USP45: variants seen among roughly 807,000 people sequenced by gnomAD.
The protein encoded by USP45 is ubiquitin specific peptidase 45.
A neutral mutation model predicts 95.8 loss-of-function variants in USP45; 89 were observed. That is an observed-to-expected ratio of 0.93 (90% CI 0.78 to 1.11). The LOEUF (loss-of-function observed/expected upper bound fraction) is 1.11, where lower values mean the gene tolerates loss of function less well. Ranked by LOEUF, USP45 falls within the 50% of genes least tolerant of loss-of-function variation. The pLI is 0.00. For missense variants in USP45, 898 were observed against 942.5 expected (o/e 0.95, Z 0.62); for synonymous variants, 281 against 316.2 (o/e 0.89, Z 1.18).
At chr6:99,489,459 A>G (rs1326433128) in intron 5 of USP45, among the ~76,000 whole-genome samples, 1 of 152,226 alleles carries the variant, frequency 6.6e-6, no homozygotes, top group African/African-American at 2.4e-5. Context: ...TGACAGAATT[A>G]GGAAAATCAC....
In USP45 at chr6:99,445,839, T is replaced by A; in HGVS notation, c.1933A>T (p.Thr645Ser). 6.3e-7 allele frequency: 1 copy of A among 1,594,930 alleles called. No individual in the cohort carries two copies. Among genetic ancestry groups the A allele is most frequent in the Non-Finnish European group, 8.5e-7 (1 of 1,174,736 alleles). The part of the protein sequence containing the change: ...GNNKLLCENC[T>S]KNKQKYQEET... ...TCTTGGTACTTCTGTTTGTTTTTAG[T>A]ACAATTCTCACATAGAAGCTTATTA... The change falls in exon 14 of 18, where the codon ACT (threonine) becomes TCT (serine). Residue 645 changes from threonine to serine, a missense_variant. Transcript: ENST00000500704.
intron 7 of USP45, among the ~76,000 whole-genome samples, chr6:99,484,329 A>G (rs2128715271): frequency 6.6e-6 from 1 of 150,764 alleles, no homozygotes; most frequent in East Asian, 2.0e-4. Context: ...CAGCATATCC[A>G]GTTGATTTTT....
chr6:99,451,126 A>C (rs1442721476), intron 13 of USP45, among the ~76,000 whole-genome samples: 1 of 152,222 alleles, frequency 6.6e-6, no homozygotes, highest in African/African-American at 2.4e-5. Context: ...AACTGGCACA[A>C]GACAGGGATG....
At chr6:99,445,758 T>A in intron 14 of USP45, 39 bp downstream of exon 14, 1 of 1,405,886 alleles carries the variant, frequency 7.1e-7, no homozygotes, top group South Asian at 1.5e-5. Flanking sequence ...CTAGACACTA[T>A]CAGGAGATCA....
At chr6:99,452,379 A>C (rs1186168865) in intron 13 of USP45, among the ~76,000 whole-genome samples, 1 of 152,218 alleles carries the variant, frequency 6.6e-6, no homozygotes, top group Non-Finnish European at 1.5e-5. Context: ...ATGAACAGAC[A>C]CTTCTCAAAA....
intron 7 of USP45, among the ~76,000 whole-genome samples, chr6:99,486,457 C>T (rs1017447148): frequency 6.6e-6 from 1 of 151,974 alleles, no homozygotes; most frequent in Non-Finnish European, 1.5e-5. Context: ...AATAACTTCC[C>T]TTTAGTAGTT....
chr6:99,476,262 AAAG>A (rs776351199), intron 8 of USP45, 32 bp from the exon 9 acceptor site: 9 of 1,587,408 alleles, frequency 5.7e-6, no homozygotes, highest in Non-Finnish European at 7.8e-6. Context: ...GGAAAGAAAA[AAAG>A]AATAATCATT....
chr6:99,472,968 A>G (rs1789815455), intron 9 of USP45, among the ~76,000 whole-genome samples: 1 of 152,184 alleles, frequency 6.6e-6, no homozygotes, highest in Non-Finnish European at 1.5e-5. Context: ...AGAAAATGTG[A>G]TCAAATACTA....
At chr6:99,440,884 G>C (rs765869933) in intron 15 of USP45, among the ~76,000 whole-genome samples, 2 of 152,080 alleles carry the variant, frequency 1.3e-5, no homozygotes, top group Non-Finnish European at 2.9e-5. Flanking sequence ...GATCATTTCA[G>C]CTATTGTGTT....
Position 99,503,822 on chromosome 6 carries a change from T to C in USP45, c.421A>G (p.Lys141Glu). 1.2e-6 allele frequency: 2 copies of C among 1,601,314 alleles called. No homozygotes were observed. The highest frequency in any genetic ancestry group is 3.3e-4 in the Middle Eastern group (2 of 5,980). ...AAATCAACTATCTGAGCCAAAACCT[T>C]CTTATTACAATGCGTTGATAATTTT... ...DEKLSTHCNK[K>E]VLAQIVDFLQ... Residue 141 changes from lysine (K) to glutamate (E), a missense_variant, in exon 5 of 18, where the codon AAG becomes GAG. Coordinates refer to ENST00000500704, the MANE Select transcript of USP45 (RefSeq NM_001346022.3).
chr6:99,467,137 G>A (rs1413874622), intron 10 of USP45, among the ~76,000 whole-genome samples: 1 of 152,052 alleles, frequency 6.6e-6, no homozygotes, highest in Non-Finnish European at 1.5e-5. Flanking sequence ...CAGGATCACG[G>A]CTATGAAAAT....
chr6:99,511,432 C>T (rs777724211), intron 1 of USP45, among the ~76,000 whole-genome samples: 5 of 151,690 alleles, frequency 3.3e-5, no homozygotes, highest in East Asian at 1.9e-4. Flanking sequence ...GGATTACAGG[C>T]GTGAGCCACC....
chr6:99,474,743 C>T (rs949183485), intron 9 of USP45, among the ~76,000 whole-genome samples: 4 of 152,122 alleles, frequency 2.6e-5, no homozygotes, highest in Non-Finnish European at 4.4e-5. Context: ...CTGTTAGGAA[C>T]GATCAGCAAT....
intron 5 of USP45, among the ~76,000 whole-genome samples, chr6:99,489,676 G>A (rs1251389082): frequency 6.6e-6 from 1 of 152,178 alleles, no homozygotes; most frequent in East Asian, 1.9e-4. Flanking sequence ...GCTGGCCACG[G>A]TGCCTCAGGC....
chr6:99,477,825 C>T (rs948613107), intron 8 of USP45, among the ~76,000 whole-genome samples: 2 of 152,292 alleles, frequency 1.3e-5, no homozygotes, highest in African/African-American at 4.8e-5. Flanking sequence ...CCTACCTGCA[C>T]TTGGTGGACA....
At chr6:99,447,911 C>T (rs554533354) in intron 13 of USP45, among the ~76,000 whole-genome samples, 3 of 152,302 alleles carry the variant, frequency 2.0e-5, no homozygotes, top group Non-Finnish European at 2.9e-5. Flanking sequence ...CTGCAGCCTC[C>T]GCTGCTGATA....
Position 99,437,413 on chromosome 6 carries a change from A to G in USP45, c.2161-14T>C. ...CACACTTGCATTCTTTTAAACAAAG[A>G]AAAAAACCCAAATTAGTAATATTTG... On this transcript the variant is annotated splice_polypyrimidine_tract_variant and intron_variant, in intron 16 of 17. Transcript: ENST00000500704. 2 of 1,569,994 alleles carry G rather than the reference A, an allele frequency of 1.3e-6. No individual in the cohort carries two copies. The highest frequency in any genetic ancestry group is 1.7e-6 in the Non-Finnish European group (2 of 1,165,412).
chr6:99,461,687 T>TA, intron 13 of USP45: 4 of 984,916 alleles, frequency 4.1e-6, no homozygotes, highest in Non-Finnish European at 4.8e-6. Context: ...ATAACTCATA[T>TA]AATTTGGCAA....
upstream of USP45, among the ~76,000 whole-genome samples, chr6:99,517,068 T>G (rs1037948898): frequency 6.6e-6 from 1 of 152,210 alleles, no homozygotes; most frequent in Non-Finnish European, 1.5e-5. Context: ...GAGATTTCAT[T>G]CTTTGTTTCA....
Sources: gnomAD v4.1 joint callset for allele counts (sites outside exome capture counted in the v4.1 genomes callset) on GRCh38, gnomAD v4.1.1 for gene constraint, MANE v1.5 for transcripts, NCBI Gene and HGNC (gene_info 2026-07-23, HGNC 2026-07-21) for gene names.